The following XAGE2 variants were observed in gnomAD, a reference collection of about 807,000 sequenced individuals.
The protein encoded by XAGE2 is X antigen family member 2.
Under a neutral mutation model 9.9 loss-of-function variants are expected in XAGE2, and 7 were observed. The observed-to-expected ratio is 0.71, with a 90% CI of 0.40 to 1.32. The LOEUF (loss-of-function observed/expected upper bound fraction) is 1.32, where lower values mean the gene tolerates loss of function less well. Among genes scored for constraint, XAGE2 ranks in the 40% most tolerant of loss-of-function variants. The probability of loss-of-function intolerance (pLI) is 0.01; values close to 1 mark genes in which losing one functional copy is unlikely to be tolerated. For missense variants in XAGE2, 85 were observed against 81.0 expected, an observed-to-expected ratio of 1.05 and a Z score of -0.19; for synonymous variants, 31 against 26.8, an observed-to-expected ratio of 1.16 and a Z score of -0.48.
intron 2 of XAGE2, 119 bp downstream of exon 2, chrX:52,370,214 T>G: frequency 1.3e-6 from 1 of 782,296 alleles, no homozygotes; most frequent in Non-Finnish European, 1.9e-6. Flanking sequence ...TGATCATGCA[T>G]CTCATGAAGG....
intron 2 of XAGE2, 70 bp downstream of exon 2, chrX:52,370,165 T>C (rs1365789446): frequency 8.9e-6 from 9 of 1,013,289 alleles, no homozygotes; most frequent in Non-Finnish European, 1.3e-5. Context: ...GTTGAACTAG[T>C]ATAGATACAC....
intron 4 of XAGE2, 47 bp downstream of exon 4, chrX:52,372,716 C>A: frequency 8.5e-7 from 1 of 1,182,739 alleles, no homozygotes; most frequent in Non-Finnish European, 1.1e-6. Flanking sequence ...CTATTTTTTA[C>A]AATATTATAC....
In XAGE2 at chrX:52,370,199, A is replaced by T. The variant is rs1921156840; in HGVS notation, c.81+104A>T. 26 of 835,563 alleles carry T rather than the reference A, an allele frequency of 3.1e-5. No individual in the cohort carries two copies. In the East Asian group the frequency reaches 8.1e-4, roughly 26 times the overall value. 68.9% of individuals were successfully genotyped at this position (835,563 alleles called of 1,213,427 possible). ...ACTGATAAAGGTCTTCCATGTTGAT[A>T]AAAATGATCATGCATCTCATGAAGG... is the stretch of plus-strand genomic sequence containing the variant. On this transcript the variant is annotated intron_variant, in intron 2 of 4. Coordinates refer to ENST00000286049, the MANE Select transcript of XAGE2 (RefSeq NM_130777.3).
At chrX:52,371,176 C>T (rs921804618) in intron 3 of XAGE2, among the ~76,000 whole-genome samples, 119 of 112,109 alleles carry the variant, frequency 1.1e-3, no homozygotes, top group Non-Finnish European at 2.0e-3. Flanking sequence ...ACGCTTGAGT[C>T]ATGGAGGCAG....
Position 52,372,591 on chromosome X carries a change from G to A in XAGE2, c.235G>A (p.Gly79Arg). The A allele has an allele frequency of 8.3e-7, 1 of 1,211,392 alleles. No homozygotes were observed. The highest frequency in any genetic ancestry group is 1.1e-6 in the Non-Finnish European group (1 of 895,163). ...CCAGGAGCTATGTCAGACAAAGACT[G>A]GGGATGGATGTGAAGGTGGTACTGA... The part of the protein sequence containing the change: ...DLQELCQTKT[G>R]DGCEGGTDVK... The change falls in exon 4 of 5, where the codon GGG (glycine) becomes AGG (arginine). Residue 79 changes from glycine (G) to arginine (R), a missense_variant. Gly to Arg is a moderately radical substitution (Grantham distance 125). Coordinates refer to ENST00000286049, the MANE Select transcript of XAGE2 (RefSeq NM_130777.3).
chrX:52,369,859 A>G (rs1349160362), intron 1 of XAGE2, 148 bp from the exon 2 acceptor site: 3 of 594,829 alleles, frequency 5.0e-6, no homozygotes, highest in Non-Finnish European at 8.5e-6. Flanking sequence ...GATTCAGAAG[A>G]TGTACACACT....
rs1353917760 is a variant in XAGE2 at position 52,373,689 on chromosome X, G to A, written c.313+1020G>A. On this transcript the variant is annotated intron_variant, in intron 4 of 4. Coordinates refer to ENST00000286049, the MANE Select transcript of XAGE2 (RefSeq NM_130777.3). The stretch of plus-strand genomic sequence containing the variant: ...CAAAGACTATAATGTACTAATTCTT[G>A]AGTAGTCAACATAAGTATCTTTTAC... 6.2e-5 allele frequency among the ~76,000 whole-genome samples: 7 copies of A among 112,091 alleles called. No homozygotes were observed. In the East Asian group the frequency reaches 1.7e-3, roughly 27 times the overall value.
intron 2 of XAGE2, 108 bp downstream of exon 2, chrX:52,370,203 AT>A: frequency 1.2e-6 from 1 of 811,109 alleles, no homozygotes; most frequent in Non-Finnish European, 1.8e-6. Flanking sequence ...GTTGATAAAA[AT>A]GATCATGCAT....
At chrX:52,374,041 A>G (rs1781796879) in intron 4 of XAGE2, among the ~76,000 whole-genome samples, 2 of 111,630 alleles carry the variant, frequency 1.8e-5, no homozygotes, top group Admixed American at 1.9e-4. Flanking sequence ...GACAGGTAGG[A>G]ACCTGGATTT....
chrX:52,371,361 C>T (rs1001161064), intron 3 of XAGE2, among the ~76,000 whole-genome samples: 6 of 112,153 alleles, frequency 5.3e-5, no homozygotes, highest in Non-Finnish European at 1.1e-4. Flanking sequence ...CGGAAAAGGG[C>T]TCAATGAATG....
intron 4 of XAGE2, 39 bp downstream of exon 4, chrX:52,372,708 AT>A (rs1921223106): frequency 8.4e-7 from 1 of 1,195,823 alleles, no homozygotes; most frequent in African/African-American, 1.7e-5. Context: ...TGTGATTTCT[AT>A]TTTTTACAAT....
At chrX:52,375,330 G>A in intron 4 of XAGE2, among the ~76,000 whole-genome samples, 1 of 111,281 alleles carries the variant, frequency 9.0e-6, no homozygotes, top group Non-Finnish European at 1.9e-5. Context: ...CTGTCTTTTG[G>A]TTTCCTTGTA....
At chrX:52,370,734 C>T (rs934408312) in intron 3 of XAGE2, 62 bp downstream of exon 3, 34 of 1,029,739 alleles carry the variant, frequency 3.3e-5, no homozygotes, top group Non-Finnish European at 4.3e-5. Flanking sequence ...TCCATCATGC[C>T]TTATGCCATG....
chrX:52,374,076 G>T (rs1921257898), intron 4 of XAGE2, among the ~76,000 whole-genome samples: 1 of 111,779 alleles, frequency 8.9e-6, no homozygotes, highest in Non-Finnish European at 1.9e-5. Context: ...TAATCCAAAA[G>T]TAATACATTT....
intron 4 of XAGE2, among the ~76,000 whole-genome samples, chrX:52,373,615 C>T (rs1168453061): frequency 2.7e-5 from 3 of 111,896 alleles, no homozygotes; most frequent in African/African-American, 9.7e-5. Context: ...TCATAGGTTA[C>T]ATATTACAGG....
chrX:52,371,563 A>G (rs1048996956), intron 3 of XAGE2, among the ~76,000 whole-genome samples: 1,191 of 112,025 alleles, frequency 0.011, 21 homozygotes, highest in African/African-American at 0.037. Flanking sequence ...TTGTGTCCTC[A>G]ACAGATAGCA....
chrX:52,374,053 G>A (rs1237121607), intron 4 of XAGE2, among the ~76,000 whole-genome samples: 1 of 111,243 alleles, frequency 9.0e-6, no homozygotes, highest in African/African-American at 3.3e-5. Context: ...CCTGGATTTT[G>A]GATTAGGAAA....
Position 52,375,549 on chromosome X carries a change from C to T in XAGE2, c.314-20C>T. 8.3e-7 allele frequency: 1 copy of T among 1,201,950 alleles called. No individual in the cohort carries two copies. The highest frequency in any genetic ancestry group is 3.0e-5 in the East Asian group (1 of 33,658). ...TACAGTTCTGCTAGTAATGTTCCAC[C>T]TGTTATGTTTCTATTACAGGTGAAG... On this transcript the variant is annotated intron_variant, in intron 4 of 4. Coordinates refer to ENST00000286049, the MANE Select transcript of XAGE2 (RefSeq NM_130777.3).
chrX:52,375,614 C>T lies in XAGE2; in HGVS notation c.*23C>T. The T allele has an allele frequency of 8.4e-7, 1 of 1,183,677 alleles. No individual in the cohort carries two copies. Among genetic ancestry groups the T allele is most frequent in the Non-Finnish European group, 1.1e-6 (1 of 874,299 alleles). On this transcript the variant is annotated 3_prime_UTR_variant, in exon 5 of 5. Coordinates refer to ENST00000286049, the MANE Select transcript of XAGE2 (RefSeq NM_130777.3). The stretch of plus-strand genomic sequence containing the variant: ...TAAAGGAAGATAAGCTGAAACAACA[C>T]AAACTGTTTTTATATTAGATATTTT...
Sources: allele counts gnomAD v4.1 joint callset (sites outside exome capture counted in the v4.1 genomes callset), GRCh38; gene constraint gnomAD v4.1.1; transcripts MANE v1.5; gene names NCBI Gene and HGNC (gene_info 2026-07-23, HGNC 2026-07-21).